HSD17B12: variants seen among roughly 807,000 people sequenced by gnomAD.
HSD17B12 encodes very-long-chain 3-oxoacyl-CoA reductase.
In HSD17B12, 32 loss-of-function variants were observed where a neutral mutation model predicts 39.3. The observed-to-expected ratio is 0.81, with a 90% CI of 0.61 to 1.09. HSD17B12 has a LOEUF of 1.09. Among genes scored for constraint, HSD17B12 ranks in the 50% least tolerant of loss-of-function variants. The pLI is 0.00. For missense variants in HSD17B12, 342 were observed against 382.9 expected (o/e 0.89, Z 0.89); for synonymous variants, 150 against 146.7 (o/e 1.02, Z -0.16).
upstream of HSD17B12, among the ~76,000 whole-genome samples, chr11:43,676,207 G>GA (rs1330952005): frequency 1.1e-5 from 1 of 90,824 alleles, no homozygotes; most frequent in Admixed American, 1.5e-4. Flanking sequence ...AAGAGGAAGA[G>GA]GGTGTGTGTG....
chr11:43,652,315 A>G, the HSD17B12 span, among the ~76,000 whole-genome samples: 1 of 152,292 alleles, frequency 6.6e-6, no homozygotes, highest in African/African-American at 2.4e-5. Context: ...GGTGTGGAAA[A>G]AGGAACTTTT....
At chr11:43,585,440 A>G in the HSD17B12 span, among the ~76,000 whole-genome samples, 2 of 152,166 alleles carry the variant, frequency 1.3e-5, no homozygotes, top group South Asian at 4.1e-4. Context: ...GCTGCCAGAA[A>G]TTTTTAGAGG....
intron 1 of HSD17B12, among the ~76,000 whole-genome samples, chr11:43,691,047 C>T (rs753675217): frequency 2.0e-5 from 3 of 152,206 alleles, no homozygotes; most frequent in Non-Finnish European, 4.4e-5. Flanking sequence ...TCAAAGTCGT[C>T]AATTTTAGTA....
At chr11:43,757,620 A>G (rs1950518446) in intron 3 of HSD17B12, among the ~76,000 whole-genome samples, 2 of 124,282 alleles carry the variant, frequency 1.6e-5, no homozygotes, top group South Asian at 6.3e-4. Flanking sequence ...GGCCTGGGCG[A>G]CAGAGCGAGA....
intron 7 of HSD17B12, among the ~76,000 whole-genome samples, chr11:43,836,656 A>G (rs899046286): frequency 6.6e-6 from 1 of 152,146 alleles, no homozygotes; most frequent in African/African-American, 2.4e-5. Context: ...AAAGATAAAG[A>G]TATTTTAAAT....
intron 7 of HSD17B12, among the ~76,000 whole-genome samples, chr11:43,835,429 C>T (rs1469262872): frequency 6.6e-6 from 1 of 152,146 alleles, no homozygotes; most frequent in East Asian, 1.9e-4. Context: ...AGGCAGGCTA[C>T]ACCAGTATAT....
chr11:43,647,849 T>C, the HSD17B12 span, among the ~76,000 whole-genome samples: 4 of 152,320 alleles, frequency 2.6e-5, no homozygotes, highest in African/African-American at 7.2e-5. Flanking sequence ...AAAACTTCTA[T>C]GCTTATTAAT....
intron 3 of HSD17B12, among the ~76,000 whole-genome samples, chr11:43,775,497 GT>G (rs1950691665): frequency 6.6e-6 from 1 of 151,760 alleles, no homozygotes; most frequent in Non-Finnish European, 1.5e-5. Flanking sequence ...TTTTTTTTAA[GT>G]TTCAACTCTT....
At chr11:43,761,519 CA>C (rs1950554998) in intron 3 of HSD17B12, among the ~76,000 whole-genome samples, 1 of 152,234 alleles carries the variant, frequency 6.6e-6, no homozygotes, top group Admixed American at 6.5e-5. Context: ...TAGATGCTCA[CA>C]AGTTTTTCTG....
intron 9 of HSD17B12, chr11:43,853,969 G>A (rs1229738013): frequency 6.6e-6 from 1 of 152,116 alleles, no homozygotes; most frequent in Non-Finnish European, 1.5e-5. Flanking sequence ...ACTCTGTGTT[G>A]AATCACATCC....
chr11:43,652,217 G>A, the HSD17B12 span, among the ~76,000 whole-genome samples: 1 of 152,104 alleles, frequency 6.6e-6, no homozygotes, highest in South Asian at 2.1e-4. Context: ...ACATTTCCTG[G>A]TTTTAACAAT....
rs1951410368 is a variant in HSD17B12, at chr11:43,840,056, T to G, written c.676T>G (p.Phe226Val). The G allele has an allele frequency of 2.5e-6, 4 of 1,612,180 alleles. No individual in the cohort carries two copies. The highest frequency in any genetic ancestry group is 3.4e-6 in the Non-Finnish European group (4 of 1,178,910). The part of the protein sequence containing the change: ...LHEEYRSKGV[F>V]VQSVLPYFVA... ...TGAGGAGTATAGGAGCAAGGGCGTC[T>G]TTGTGCAGGTGAGTGGAGTTTGTTT... is the stretch of plus-strand genomic sequence containing the variant. Residue 226 changes from phenylalanine to valine, a missense_variant, in exon 9 of 11, where the codon TTT becomes GTT. Transcript: ENST00000278353.
At chr11:43,679,803 G>T (rs932539518), upstream of HSD17B12, among the ~76,000 whole-genome samples, 6 of 151,970 alleles carry the variant, frequency 3.9e-5, no homozygotes, top group African/African-American at 1.5e-4. Flanking sequence ...CCAAATCGTT[G>T]GGAACTAAGT....
the HSD17B12 span, among the ~76,000 whole-genome samples, chr11:43,650,226 C>G: frequency 1.3e-5 from 2 of 151,978 alleles, no homozygotes; most frequent in African/African-American, 4.8e-5. Flanking sequence ...GAACTAGTAT[C>G]TACAATAAGT....
chr11:43,556,745 A>ACG, the HSD17B12 span, among the ~76,000 whole-genome samples: 2 of 140,740 alleles, frequency 1.4e-5, no homozygotes, highest in Non-Finnish European at 3.0e-5. Context: ...CTGGCACTGA[A>ACG]CGCGAACTGT....
the HSD17B12 span, among the ~76,000 whole-genome samples, chr11:43,643,814 T>C: frequency 6.6e-6 from 1 of 152,210 alleles, no homozygotes; most frequent in Admixed American, 6.5e-5. Context: ...TTTAAATTAA[T>C]AGTGTTGAGT....
chr11:43,674,964 ATTAG>A, the HSD17B12 span, among the ~76,000 whole-genome samples: 5 of 152,172 alleles, frequency 3.3e-5, no homozygotes, highest in African/African-American at 4.8e-5. Flanking sequence ...TTATCATATA[ATTAG>A]TTGGAAGTTT....
intron 1 of HSD17B12, among the ~76,000 whole-genome samples, chr11:43,690,949 G>A (rs973329664): frequency 1.3e-5 from 2 of 152,118 alleles, no homozygotes. Context: ...ATTATCTGAT[G>A]GGATGATTCT....
At chr11:43,675,072 A>G in the HSD17B12 span, among the ~76,000 whole-genome samples, 1 of 152,170 alleles carries the variant, frequency 6.6e-6, no homozygotes, top group African/African-American at 2.4e-5. Context: ...AGTGTCAGGT[A>G]CTCTTGGGTG....
Sources: allele counts gnomAD v4.1 joint callset (sites outside exome capture counted in the v4.1 genomes callset), GRCh38; gene constraint gnomAD v4.1.1; transcripts MANE v1.5; gene names NCBI Gene and HGNC (gene_info 2026-07-23, HGNC 2026-07-21).